Variants in ATP8A2 observed in about 807,000 individuals in gnomAD.
ATP8A2 encodes phospholipid-transporting ATPase IB.
A neutral mutation model predicts 165.6 loss-of-function variants in ATP8A2; 100 were observed. That is an observed-to-expected ratio of 0.60 (90% confidence interval 0.51 to 0.71). The LOEUF is 0.71. ATP8A2 is among the 30% of genes least tolerant of loss of function. ATP8A2 has a pLI of 0.00. For synonymous variants in ATP8A2, 543 were observed against 548.8 expected (o/e 0.99, Z 0.15); for missense variants, 1,227 against 1,479.5 (o/e 0.83, Z 2.80).
chr13:25,732,670 G>A (rs1364582906), intron 25 of ATP8A2, among the ~76,000 whole-genome samples: 1 of 152,084 alleles, frequency 6.6e-6, no homozygotes, highest in Non-Finnish European at 1.5e-5. Context: ...GAGCTGAGCT[G>A]GTCTAACACG....
At chr13:25,425,565 G>T (rs1438086640) in intron 1 of ATP8A2, among the ~76,000 whole-genome samples, 1 of 111,706 alleles carries the variant, frequency 9.0e-6, no homozygotes, top group East Asian at 3.5e-4. Flanking sequence ...AGCCTTTTCA[G>T]ATTGGCTTCT....
At chr13:25,875,619 T>C (rs1013452299) in intron 33 of ATP8A2, among the ~76,000 whole-genome samples, 3 of 152,042 alleles carry the variant, frequency 2.0e-5, no homozygotes, top group Non-Finnish European at 4.4e-5. Flanking sequence ...TTAAGAGAAG[T>C]GTGTGCAAAA....
intron 25 of ATP8A2, among the ~76,000 whole-genome samples, chr13:25,749,029 A>G (rs1009718041): frequency 6.6e-6 from 1 of 152,248 alleles, no homozygotes; most frequent in Non-Finnish European, 1.5e-5. Context: ...GTGAGAGGAC[A>G]GTGAAATTAT....
Position 25,486,655 on chromosome 13 carries a change from C to G in ATP8A2, c.221+17534C>G, listed in dbSNP as rs78338174. Among the ~76,000 whole-genome samples, 799 of 152,176 alleles carry G rather than the reference C, an allele frequency of 5.3e-3. 8 individuals are homozygous for G. The highest frequency in any genetic ancestry group is 0.018 in the African/African-American group (762 of 41,524). On this transcript the variant is annotated intron_variant, in intron 2 of 36. Coordinates refer to ENST00000381655, the MANE Select transcript of ATP8A2 (RefSeq NM_016529.6). ...AGCATCAACATGGCTCCACATATAC[C>G]CGTGGAACAATTGTTACAACAAATA...
chr13:26,015,503 T>G (rs1305693124), intron 36 of ATP8A2, among the ~76,000 whole-genome samples: 1 of 152,190 alleles, frequency 6.6e-6, no homozygotes, highest in African/African-American at 2.4e-5. Flanking sequence ...TAGGAATCTT[T>G]CCAGACAGGA....
chr13:25,688,592 G>A (rs1462457949), intron 24 of ATP8A2, among the ~76,000 whole-genome samples: 1 of 152,220 alleles, frequency 6.6e-6, no homozygotes, highest in Non-Finnish European at 1.5e-5. Flanking sequence ...AATTTTAAAT[G>A]TGGTAACGGT....
chr13:25,513,683 A>G (rs893106450), intron 2 of ATP8A2, among the ~76,000 whole-genome samples: 1 of 151,998 alleles, frequency 6.6e-6, no homozygotes, highest in African/African-American at 2.4e-5. Flanking sequence ...CACTGAGTGA[A>G]CCAGACTCCG....
intron 24 of ATP8A2, among the ~76,000 whole-genome samples, chr13:25,628,676 C>T (rs1024046137): frequency 1.4e-4 from 21 of 151,936 alleles, no homozygotes; most frequent in African/African-American, 4.8e-4. Flanking sequence ...GAGTCTGCTC[C>T]AGGCTTCTCC....
intron 35 of ATP8A2, among the ~76,000 whole-genome samples, chr13:26,004,752 A>G (rs889878404): frequency 1.3e-5 from 2 of 152,026 alleles, no homozygotes; most frequent in Non-Finnish European, 2.9e-5. Flanking sequence ...TGAGATGATC[A>G]TATGGTTTTT....
intron 27 of ATP8A2, among the ~76,000 whole-genome samples, chr13:25,804,924 CAGATTTTTAGCATTGTTTAATAGTTTT>C (rs1191974476): frequency 1.3e-5 from 2 of 152,106 alleles, no homozygotes; most frequent in Non-Finnish European, 2.9e-5. Context: ...ACACTGCCAG[CAGATTTTTAGCATTGTTTAATAGTTTT>C]AAATTATGGA....
chr13:25,831,962 A>G (rs7330009), intron 28 of ATP8A2, among the ~76,000 whole-genome samples: 150,337 of 151,556 alleles, frequency 0.99, 74,564 homozygotes, highest in East Asian at 1. Flanking sequence ...TTTTTGAGAC[A>G]GAGTTTCACT....
Position 25,609,544 on chromosome 13 carries a change from T to TATATATATATATATTTGGATTCAA in ATP8A2, c.2211+19864_2211+19887dup, listed in dbSNP as rs1256576044. Among the ~76,000 whole-genome samples, 65 of 144,484 alleles carry TATATATATATATATTTGGATTCAA rather than the reference T, an allele frequency of 4.5e-4. 3 individuals are homozygous for TATATATATATATATTTGGATTCAA. The highest frequency in any genetic ancestry group is 1.5e-3 in the African/African-American group (58 of 38,060). The allele number at this position is 144,484 out of a possible 152,430, so 94.8% of individuals were successfully genotyped here. On this transcript the variant is annotated intron_variant, in intron 24 of 36. Coordinates refer to ENST00000381655, the MANE Select transcript of ATP8A2 (RefSeq NM_016529.6). Reference sequence around the variant, plus strand: ...AATATATATATATTTGGGATTCAAATATATATATATATATTTGGATTCAAA... The same window carrying TATATATATATATATTTGGATTCAA: ...AATATATATATATTTGGGATTCAAATATATATATATATATTTGGATTCAAATATATATATATATTTGGATTCAAA...
At chr13:25,601,607 G>A (rs185267018) in intron 24 of ATP8A2, among the ~76,000 whole-genome samples, 76 of 152,270 alleles carry the variant, frequency 5.0e-4, no homozygotes, top group African/African-American at 1.3e-3. Flanking sequence ...TGGGACTACA[G>A]GCGCGCTACA....
At chr13:25,390,246 G>A (rs534910475) in intron 1 of ATP8A2, among the ~76,000 whole-genome samples, 3 of 152,172 alleles carry the variant, frequency 2.0e-5, no homozygotes, top group African/African-American at 4.8e-5. Context: ...CACCCACCTC[G>A]GCCTCCCAAA....
chr13:25,446,322 A>G (rs2035067096), intron 1 of ATP8A2, among the ~76,000 whole-genome samples: 1 of 152,106 alleles, frequency 6.6e-6, no homozygotes, highest in Admixed American at 6.5e-5. Flanking sequence ...CTTATCTTTC[A>G]CCTAGCCCCC....
chr13:25,937,363 T>TTTCTTTCTTTTTTTC (rs532930380), intron 33 of ATP8A2, among the ~76,000 whole-genome samples: 8 of 62,952 alleles, frequency 1.3e-4, no homozygotes, highest in African/African-American at 5.3e-4. Context: ...TCTTTCTTTC[T>TTTCTTTCTTTTTTTC]TTTTTTTTTT....
rs149787846 is a variant in ATP8A2, at chr13:25,544,364, C to T, written c.891+962C>T. Among the ~76,000 whole-genome samples the T allele has an allele frequency of 5.2e-3, 786 of 152,252 alleles. 6 individuals carry two copies. The highest frequency in any genetic ancestry group is 0.018 in the African/African-American group (761 of 41,532). Reference sequence around the variant, plus strand: ...CGTGGCAGAAGCACATTTTAGATATCGAGCTAGGGAAGGGAGACTGTTGTG... The same window carrying T: ...CGTGGCAGAAGCACATTTTAGATATTGAGCTAGGGAAGGGAGACTGTTGTG... On this transcript the variant is annotated intron_variant, in intron 10 of 36. Coordinates refer to ENST00000381655, the MANE Select transcript of ATP8A2 (RefSeq NM_016529.6).
At chr13:25,588,073 GAAAT>G (rs2138282461) in intron 23 of ATP8A2, among the ~76,000 whole-genome samples, 1 of 152,278 alleles carries the variant, frequency 6.6e-6, no homozygotes, top group Admixed American at 6.5e-5. Flanking sequence ...TTTAACAAGA[GAAAT>G]AATCTGATTC....
chr13:25,509,820 T>G (rs1364958954), intron 2 of ATP8A2, among the ~76,000 whole-genome samples: 2 of 152,254 alleles, frequency 1.3e-5, no homozygotes, highest in African/African-American at 4.8e-5. Context: ...ATTGTGTTTT[T>G]ATTTTAAATG....
Sources: allele counts gnomAD v4.1 joint callset (sites outside exome capture counted in the v4.1 genomes callset), GRCh38; gene constraint gnomAD v4.1.1; transcripts MANE v1.5; gene names NCBI Gene and HGNC (gene_info 2026-07-23, HGNC 2026-07-21).